The following PALM2AKAP2 variants were observed in gnomAD, a reference collection of about 807,000 sequenced individuals.
The protein encoded by PALM2AKAP2 is PALM2-AKAP2 fusion protein.
PALM2AKAP2 carries 37 observed loss-of-function variants against 71.5 expected under a neutral mutation model. The observed-to-expected ratio is 0.52, with a 90% confidence interval of 0.40 to 0.68. PALM2AKAP2 has a LOEUF of 0.68. Ranked by LOEUF, PALM2AKAP2 falls within the 30% of genes least tolerant of loss-of-function variation. PALM2AKAP2 has a pLI of 0.00. For synonymous variants in PALM2AKAP2, 468 were observed against 478.8 expected (o/e 0.98, Z 0.29); for missense variants, 1,224 against 1,191.8 (o/e 1.03, Z -0.40).
chr9:110,116,633 C>T (rs200841581), intron 1 of PALM2AKAP2, among the ~76,000 whole-genome samples: 31 of 152,194 alleles, frequency 2.0e-4, no homozygotes, highest in Non-Finnish European at 3.4e-4. Context: ...TGAAATTCTA[C>T]GACATTTGAT....
At chr9:109,995,342 G>T (rs7357730) in intron 6 of PALM2AKAP2, among the ~76,000 whole-genome samples, 1 of 152,098 alleles carries the variant, frequency 6.6e-6, no homozygotes, top group Non-Finnish European at 1.5e-5. Flanking sequence ...CTGATGGCAG[G>T]GGGTGGGTCT....
chr9:109,885,400 C>A (rs1231756618), intron 3 of PALM2AKAP2, among the ~76,000 whole-genome samples: 1 of 152,182 alleles, frequency 6.6e-6, no homozygotes, highest in African/African-American at 2.4e-5. Context: ...TACCAGGCCT[C>A]ATTCTAGGAA....
At chr9:109,903,768 G>A (rs1830381224) in intron 3 of PALM2AKAP2, among the ~76,000 whole-genome samples, 1 of 151,406 alleles carries the variant, frequency 6.6e-6, no homozygotes, top group African/African-American at 2.4e-5. Flanking sequence ...CTCCCACATA[G>A]CGAACTTGCA....
chr9:109,825,031 C>T (rs189180499), intron 1 of PALM2AKAP2, among the ~76,000 whole-genome samples: 9 of 152,310 alleles, frequency 5.9e-5, no homozygotes, highest in Middle Eastern at 3.4e-3. Flanking sequence ...CTGATCAACA[C>T]GTAATGTAGC....
intron 6 of PALM2AKAP2, among the ~76,000 whole-genome samples, chr9:109,954,196 C>T (rs1831702406): frequency 6.6e-6 from 1 of 152,126 alleles, no homozygotes; most frequent in Non-Finnish European, 1.5e-5. Context: ...GCACGTCAGT[C>T]TCTGAAAAAG....
chr9:110,167,800 C>G (rs1408728978), intron 3 of PALM2AKAP2, among the ~76,000 whole-genome samples: 2 of 152,126 alleles, frequency 1.3e-5, no homozygotes, highest in African/African-American at 2.4e-5. Context: ...TGAATCCACA[C>G]TGGTCCCATT....
chr9:109,909,294 C>G (rs1406878846), intron 3 of PALM2AKAP2, among the ~76,000 whole-genome samples: 1 of 152,148 alleles, frequency 6.6e-6, no homozygotes, highest in African/African-American at 2.4e-5. Context: ...AGACCAGTTT[C>G]TTTTTAATCT....
chr9:109,894,860 C>T (rs1169724187), intron 3 of PALM2AKAP2, among the ~76,000 whole-genome samples: 1 of 152,128 alleles, frequency 6.6e-6, no homozygotes, highest in Non-Finnish European at 1.5e-5. Flanking sequence ...AAGCAATCCT[C>T]CCATCTCGGC....
intron 1 of PALM2AKAP2, among the ~76,000 whole-genome samples, chr9:109,726,477 A>G (rs183785219): frequency 9.2e-5 from 14 of 152,350 alleles, no homozygotes; most frequent in Admixed American, 7.8e-4. Flanking sequence ...TTCTCTGGCC[A>G]TGCAGCCTCC....
At chr9:109,779,851 A>C (rs1829405560), upstream of PALM2AKAP2, among the ~76,000 whole-genome samples, 1 of 151,960 alleles carries the variant, frequency 6.6e-6, no homozygotes, top group Admixed American at 6.5e-5. Context: ...CCCAGCCCCC[A>C]CGTAACAGCA....
At chr9:109,685,743 A>C (rs1827798002) in intron 1 of PALM2AKAP2, among the ~76,000 whole-genome samples, 1 of 152,088 alleles carries the variant, frequency 6.6e-6, no homozygotes, top group South Asian at 2.1e-4. Context: ...GGTGGTTGCC[A>C]AAGGTTGGGG....
chr9:110,084,502 A>G (rs1834515512), intron 1 of PALM2AKAP2, among the ~76,000 whole-genome samples: 1 of 152,190 alleles, frequency 6.6e-6, no homozygotes, highest in Admixed American at 6.5e-5. Flanking sequence ...CTTGGTAACT[A>G]TGGGGGGGTT....
At chr9:110,041,649 G>A (rs1564274503) in intron 7 of PALM2AKAP2, among the ~76,000 whole-genome samples, 1 of 152,160 alleles carries the variant, frequency 6.6e-6, no homozygotes, top group Non-Finnish European at 1.5e-5. Flanking sequence ...CAGAGACCCT[G>A]GAGAGGAAAT....
chr9:109,654,779 A>T (rs2146085), intron 1 of PALM2AKAP2, among the ~76,000 whole-genome samples: 1 of 124,152 alleles, frequency 8.1e-6, no homozygotes, highest in Non-Finnish European at 1.9e-5. Context: ...GTGTGTGTGT[A>T]TATGTATTAA....
At chr9:109,761,921 C>G (rs1829060323) in intron 1 of PALM2AKAP2, among the ~76,000 whole-genome samples, 1 of 151,972 alleles carries the variant, frequency 6.6e-6, no homozygotes, top group Admixed American at 6.6e-5. Context: ...ATGCTGTCAA[C>G]AAACATATGA....
At chr9:110,082,971 G>A (rs10980177) in intron 1 of PALM2AKAP2, among the ~76,000 whole-genome samples, 24,498 of 151,930 alleles carry the variant, frequency 0.16, 2,589 homozygotes, top group Admixed American at 0.29. Flanking sequence ...GAGAAACCCC[G>A]TCTCTACTAA....
intron 6 of PALM2AKAP2, among the ~76,000 whole-genome samples, chr9:109,940,113 C>T (rs1831325285): frequency 6.6e-6 from 1 of 152,012 alleles, no homozygotes; most frequent in Non-Finnish European, 1.5e-5. Flanking sequence ...AATTATTAGC[C>T]TTTGTTTGAG....
At chr9:109,694,526 C>T (rs757233719) in intron 1 of PALM2AKAP2, among the ~76,000 whole-genome samples, 1 of 151,912 alleles carries the variant, frequency 6.6e-6, no homozygotes, top group African/African-American at 2.4e-5. Flanking sequence ...TTAAGATCTA[C>T]ATGAAGAAAT....
intron 1 of PALM2AKAP2, among the ~76,000 whole-genome samples, chr9:110,077,420 C>T (rs557718352): frequency 7.2e-5 from 11 of 152,220 alleles, no homozygotes; most frequent in African/African-American, 1.9e-4. Context: ...CATCTTGTGA[C>T]GTGGGCAAGT....
Sources: gnomAD v4.1 joint callset for allele counts (sites outside exome capture counted in the v4.1 genomes callset) on GRCh38, gnomAD v4.1.1 for gene constraint, MANE v1.5 for transcripts, NCBI Gene and HGNC (gene_info 2026-07-23, HGNC 2026-07-21) for gene names.